Variants in SFMBT2 observed in about 807,000 individuals in gnomAD.
SFMBT2 encodes scm-like with four MBT domains protein 2.
A neutral mutation model predicts 110.1 loss-of-function variants in SFMBT2; 38 were observed. The ratio of observed to expected loss-of-function variants is 0.35; its 90% CI spans 0.27 to 0.45. The LOEUF is 0.45. Among genes scored for constraint, SFMBT2 ranks in the 20% least tolerant of loss-of-function variants. SFMBT2 has a pLI of 1.00. For missense variants in SFMBT2, 1,011 were observed against 1,094.9 expected (o/e 0.92, Z 1.08); for synonymous variants, 425 against 425.4 (o/e 1.00, Z 0.01).
intron 4 of SFMBT2, among the ~76,000 whole-genome samples, chr10:7,324,961 C>CTTTTTTTT (rs869253757): frequency 5.4e-5 from 5 of 92,138 alleles, no homozygotes; most frequent in Non-Finnish European, 6.0e-5. Flanking sequence ...AGAGGCCCCA[C>CTTTTTTTT]TTTTTTTTTT....
intron 4 of SFMBT2, among the ~76,000 whole-genome samples, chr10:7,334,765 G>A (rs971522862): frequency 1.3e-5 from 2 of 152,172 alleles, no homozygotes; most frequent in South Asian, 2.1e-4. Flanking sequence ...ATTGTAACTC[G>A]AGTGCTTTGG....
chr10:7,254,502 C>T (rs554729543), intron 7 of SFMBT2, among the ~76,000 whole-genome samples: 17 of 152,150 alleles, frequency 1.1e-4, no homozygotes, highest in Non-Finnish European at 2.4e-4. Context: ...ATTTGGAAGA[C>T]GAAAATCATG....
At chr10:7,299,031 C>T (rs1297295002) in intron 4 of SFMBT2, among the ~76,000 whole-genome samples, 4 of 151,988 alleles carry the variant, frequency 2.6e-5, no homozygotes, top group Admixed American at 2.6e-4. Flanking sequence ...GCCAACATGG[C>T]GAAACCCCAT....
intron 4 of SFMBT2, among the ~76,000 whole-genome samples, chr10:7,344,950 C>A (rs1296934131): frequency 7.4e-5 from 9 of 122,050 alleles, no homozygotes; most frequent in African/African-American, 3.0e-4. Context: ...CAGAGCGAGA[C>A]TCTGTCTCAA....
intron 4 of SFMBT2, among the ~76,000 whole-genome samples, chr10:7,336,041 C>G (rs7906391): frequency 6.6e-6 from 1 of 151,948 alleles, no homozygotes; most frequent in African/African-American, 2.4e-5. Flanking sequence ...TCAGGCAGCA[C>G]AGAAAAACTG....
At chr10:7,179,744 G>A (rs115968619) in intron 16 of SFMBT2, among the ~76,000 whole-genome samples, 71 of 152,328 alleles carry the variant, frequency 4.7e-4, no homozygotes, top group African/African-American at 1.7e-3. Context: ...CTGCCACATC[G>A]GAGCGACGGA....
intron 1 of SFMBT2, among the ~76,000 whole-genome samples, chr10:7,404,781 C>T (rs534809368): frequency 6.6e-6 from 1 of 152,272 alleles, no homozygotes; most frequent in South Asian, 2.1e-4. Flanking sequence ...ACCGCTTTTG[C>T]TTTTTAAAAT....
At chr10:7,177,036 T>A (rs1838085615) in intron 16 of SFMBT2, among the ~76,000 whole-genome samples, 1 of 152,090 alleles carries the variant, frequency 6.6e-6, no homozygotes, top group African/African-American at 2.4e-5. Flanking sequence ...TGGTGAAAGA[T>A]TGCTCCAGGA....
intron 7 of SFMBT2, among the ~76,000 whole-genome samples, chr10:7,271,857 G>C (rs997219022): frequency 6.6e-6 from 1 of 152,098 alleles, no homozygotes; most frequent in South Asian, 2.1e-4. Context: ...ATCAGATCTC[G>C]TGAGACTTAT....
At chr10:7,250,365 T>C (rs35716502) in intron 7 of SFMBT2, among the ~76,000 whole-genome samples, 2,923 of 152,346 alleles carry the variant, frequency 0.019, 43 homozygotes, top group Non-Finnish European at 0.029. Context: ...CTGCATTAGT[T>C]TGCTAACAAT....
intron 4 of SFMBT2, among the ~76,000 whole-genome samples, chr10:7,362,567 C>T (rs1844758295): frequency 6.6e-6 from 1 of 152,228 alleles, no homozygotes; most frequent in African/African-American, 2.4e-5. Context: ...TGGAGCTCTG[C>T]AACCTCCATC....
At chr10:7,167,805 T>C (rs1837735698) in intron 20 of SFMBT2, among the ~76,000 whole-genome samples, 1 of 152,132 alleles carries the variant, frequency 6.6e-6, no homozygotes, top group Non-Finnish European at 1.5e-5. Flanking sequence ...GAGATGATGA[T>C]CAATGAAAGT....
chr10:7,411,396 G>A (rs1395265833), upstream of SFMBT2: 1 of 152,244 alleles, frequency 6.6e-6, no homozygotes, highest in African/African-American at 2.4e-5. Flanking sequence ...CCCTCCGCAA[G>A]GACAACTGGG....
Position 7,286,354 on chromosome 10 carries a change from C to A in SFMBT2, c.437-400G>T, listed in dbSNP as rs543788670. 6.2e-5 allele frequency: 59 copies of A among 951,294 alleles called. No homozygotes were observed. The African/African-American group carries it at 9.4e-4, about 15-fold the overall frequency. The allele number at this position is 951,294 out of a possible 1,614,324, so 58.9% of individuals were successfully genotyped here. On this transcript the variant is annotated intron_variant, in intron 4 of 20. Transcript: ENST00000397167. ...CAAACCAGGCCCCGAATTACATGAA[C>A]AGTTTATACAGTTTCAGAAGAAGAA...
In SFMBT2 at chr10:7,227,891, A is replaced by T. The variant is rs755093196; in HGVS notation, c.1167T>A (p.His389Gln). 6.2e-7 allele frequency: 1 copy of T among 1,609,908 alleles called. No homozygotes were observed. Among genetic ancestry groups the T allele is most frequent in the South Asian group, 1.1e-5 (1 of 89,886 alleles). ...AGAAGGGAGGGGCTTCCTGCGCCCC[A>T]TGCTGCTTGTGATAATCTGCCCAGT... is the stretch of plus-strand genomic sequence containing the variant. ...DFDWADYHKQ[H>Q]GAQEAPPFCF... The change falls in exon 10 of 21, where the codon CAT (histidine) becomes CAA (glutamine). Residue 389 changes from histidine to glutamine, a missense_variant. Transcript: ENST00000397167.
chr10:7,307,234 T>C (rs1842722426), intron 4 of SFMBT2, among the ~76,000 whole-genome samples: 1 of 152,162 alleles, frequency 6.6e-6, no homozygotes. Flanking sequence ...TGTTCATGGA[T>C]TAGAGAACTC....
chr10:7,169,168 G>T (rs544376944), intron 20 of SFMBT2, among the ~76,000 whole-genome samples: 4 of 151,734 alleles, frequency 2.6e-5, no homozygotes, highest in Non-Finnish European at 5.9e-5. Context: ...GTTTTGCCAC[G>T]TTGGCCAGGC....
intron 11 of SFMBT2, among the ~76,000 whole-genome samples, chr10:7,213,845 C>T (rs946151974): frequency 2.0e-5 from 3 of 152,142 alleles, no homozygotes; most frequent in Admixed American, 6.5e-5. Context: ...CACTCAGATC[C>T]GTGTGCACAG....
intron 4 of SFMBT2, among the ~76,000 whole-genome samples, chr10:7,328,557 TTCTAAACGTTTTACAGCTTTATG>T (rs749850292): frequency 3.3e-5 from 5 of 152,242 alleles, no homozygotes; most frequent in Non-Finnish European, 7.3e-5. Context: ...CCATGTCCTC[TTCTAAACGTTTTACAGCTTTATG>T]TTTTACATCT....
Sources: gnomAD v4.1 joint callset for allele counts (sites outside exome capture counted in the v4.1 genomes callset) on GRCh38, gnomAD v4.1.1 for gene constraint, MANE v1.5 for transcripts, NCBI Gene and HGNC (gene_info 2026-07-23, HGNC 2026-07-21) for gene names.